Variants in OPCML observed in about 807,000 individuals in gnomAD.
OPCML encodes opioid-binding protein/cell adhesion molecule.
Under a neutral mutation model 37.8 loss-of-function variants are expected in OPCML, and 13 were observed. The observed-to-expected ratio is 0.34, with a 90% CI of 0.22 to 0.55. OPCML has a LOEUF of 0.55. OPCML is among the 20% of genes least tolerant of loss of function. The pLI is 0.91. For missense variants in OPCML, 341 were observed against 435.6 expected, an observed-to-expected ratio of 0.78 and a Z score of 1.93; for synonymous variants, 176 against 168.8, an observed-to-expected ratio of 1.04 and a Z score of -0.33.
At chr11:133,008,728 C>T in intron 1 of OPCML, 1 of 272,056 alleles carries the variant, frequency 3.7e-6, no homozygotes, top group South Asian at 1.4e-4. Flanking sequence ...TGACTGAGGC[C>T]TCTGATATGA....
intron 2 of OPCML, among the ~76,000 whole-genome samples, chr11:132,718,327 G>A (rs1944562734): frequency 6.6e-6 from 1 of 152,112 alleles, no homozygotes; most frequent in Non-Finnish European, 1.5e-5. Flanking sequence ...GAGTTCTTTC[G>A]AGAAAAAGAA....
At chr11:132,428,086 G>A (rs769174347) in intron 7 of OPCML, among the ~76,000 whole-genome samples, 10 of 152,218 alleles carry the variant, frequency 6.6e-5, no homozygotes, top group Non-Finnish European at 1.5e-4. Context: ...AAGATATCAT[G>A]TGATGAACGT....
rs549660819 is a variant in OPCML at position 133,284,228 on chromosome 11, T to C, written c.61+248036A>G. Among the ~76,000 whole-genome samples the C allele has an allele frequency of 1.1e-4, 17 of 152,266 alleles. No homozygotes were observed. The East Asian group carries it at 1.7e-3, about 16-fold the overall frequency. On this transcript the variant is annotated intron_variant, in intron 1 of 7. Transcript: ENST00000524381. ...AAACCCAACCTGTACCGTGGCTCTT[T>C]CAAATGGCAGGCTCATTACGACCCA...
At chr11:132,846,294 T>C (rs1403781230) in intron 2 of OPCML, among the ~76,000 whole-genome samples, 3 of 152,160 alleles carry the variant, frequency 2.0e-5, no homozygotes, top group Admixed American at 1.3e-4. Flanking sequence ...GCGCCCCCAC[T>C]CGGGACTGCT....
At chr11:133,354,315 G>C (rs991140816) in intron 1 of OPCML, among the ~76,000 whole-genome samples, 12 of 9,604 alleles carry the variant, frequency 1.2e-3, no homozygotes, top group South Asian at 4.0e-3. Flanking sequence ...CGTGTTGGTA[G>C]TGGTGGTGGT....
At chr11:133,000,805 G>A (rs1488194181) in intron 1 of OPCML, among the ~76,000 whole-genome samples, 9 of 152,210 alleles carry the variant, frequency 5.9e-5, no homozygotes, top group Non-Finnish European at 1.5e-5. Flanking sequence ...CAATGTTGGA[G>A]GTGGGGCCTG....
At chr11:132,594,485 A>C (rs905708361) in intron 3 of OPCML, among the ~76,000 whole-genome samples, 11 of 152,310 alleles carry the variant, frequency 7.2e-5, no homozygotes, top group African/African-American at 2.6e-4. Context: ...ATTGAAATGT[A>C]TGCTTTTATA....
At chr11:133,338,746 G>T (rs1286925096) in intron 1 of OPCML, among the ~76,000 whole-genome samples, 4 of 152,212 alleles carry the variant, frequency 2.6e-5, no homozygotes, top group African/African-American at 4.8e-5. Flanking sequence ...TGGTTTGATA[G>T]AGATAGCTCT....
At chr11:132,642,294 T>TTG (rs1267408456) in intron 3 of OPCML, among the ~76,000 whole-genome samples, 29 of 152,250 alleles carry the variant, frequency 1.9e-4, no homozygotes, top group African/African-American at 6.7e-4. Flanking sequence ...ATGAGTACAA[T>TTG]TGTGTGTGTG....
At chr11:132,842,724 C>T (rs781259653) in intron 2 of OPCML, among the ~76,000 whole-genome samples, 2 of 152,208 alleles carry the variant, frequency 1.3e-5, no homozygotes, top group African/African-American at 2.4e-5. Flanking sequence ...TGGTCACAGG[C>T]TAAGGTTCTG....
chr11:133,502,338 A>AGGGTGGCT, intron 1 of OPCML, among the ~76,000 whole-genome samples: 2 of 152,358 alleles, frequency 1.3e-5, no homozygotes, highest in South Asian at 4.1e-4. Context: ...GCAGGGTGGC[A>AGGGTGGCT]GGGTGGCTGG....
intron 4 of OPCML, among the ~76,000 whole-genome samples, chr11:132,441,165 G>GTTTTTTTTTTTGTTTT (rs2096031987): frequency 1.4e-5 from 1 of 72,400 alleles, no homozygotes; most frequent in Non-Finnish European, 2.3e-5. Flanking sequence ...GGACTTTTTT[G>GTTTTTTTTTTTGTTTT]TTTTTTTTTT....
chr11:132,480,267 CA>C (rs1373047810), intron 4 of OPCML, among the ~76,000 whole-genome samples: 1 of 151,988 alleles, frequency 6.6e-6, no homozygotes, highest in African/African-American at 2.4e-5. Context: ...GAAAGGATAT[CA>C]GTGATGGAAG....
At chr11:133,352,523 G>A (rs900185560) in intron 1 of OPCML, among the ~76,000 whole-genome samples, 5 of 152,192 alleles carry the variant, frequency 3.3e-5, no homozygotes, top group African/African-American at 1.2e-4. Flanking sequence ...ATCTACGTAT[G>A]TATTTTGCAT....
chr11:133,429,189 C>A (rs1946065915), intron 1 of OPCML, among the ~76,000 whole-genome samples: 1 of 152,154 alleles, frequency 6.6e-6, no homozygotes, highest in African/African-American at 2.4e-5. Flanking sequence ...AGTTACCCAT[C>A]CATATATCTT....
chr11:133,421,549 G>A, intron 1 of OPCML: 1 of 985,360 alleles, frequency 1.0e-6, no homozygotes, highest in Non-Finnish European at 1.2e-6. Context: ...TGTAGAGTTG[G>A]GATTGTTGAT....
intron 2 of OPCML, among the ~76,000 whole-genome samples, chr11:132,668,592 G>A (rs560673350): frequency 6.6e-6 from 1 of 152,226 alleles, no homozygotes; most frequent in South Asian, 2.1e-4. Flanking sequence ...TGCCTCATCT[G>A]GACAAATATA....
At chr11:132,840,642 A>G (rs1288533231) in intron 2 of OPCML, among the ~76,000 whole-genome samples, 3 of 152,228 alleles carry the variant, frequency 2.0e-5, no homozygotes, top group Non-Finnish European at 4.4e-5. Context: ...TAAAATTATT[A>G]TCACAAGGTT....
At chr11:132,627,261 T>G (rs1939806355) in intron 3 of OPCML, among the ~76,000 whole-genome samples, 1 of 152,176 alleles carries the variant, frequency 6.6e-6, no homozygotes, top group Non-Finnish European at 1.5e-5. Flanking sequence ...TTCACTAACC[T>G]GTAGGTGAAA....
Sources: allele counts gnomAD v4.1 joint callset (sites outside exome capture counted in the v4.1 genomes callset), GRCh38; gene constraint gnomAD v4.1.1; transcripts MANE v1.5; gene names NCBI Gene and HGNC (gene_info 2026-07-23, HGNC 2026-07-21).